Variants in CHODL observed in about 807,000 individuals in gnomAD.
The protein encoded by CHODL is transmembrane protein MT75.
CHODL carries 29 observed loss-of-function variants against 34.5 expected under a neutral mutation model. The observed-to-expected ratio is 0.84, with a 90% CI of 0.63 to 1.15. The LOEUF (loss-of-function observed/expected upper bound fraction) is 1.15. Among genes scored for constraint, CHODL ranks in the 50% most tolerant of loss-of-function variants. CHODL has a pLI of 0.00. For synonymous variants in CHODL, 125 were observed against 116.1 expected, an observed-to-expected ratio of 1.08 and a Z score of -0.49; for missense variants, 332 against 332.5, an observed-to-expected ratio of 1.00 and a Z score of 0.01.
intron 2 of CHODL, among the ~76,000 whole-genome samples, chr21:18,155,842 T>C (rs1178420797): frequency 1.3e-5 from 2 of 152,212 alleles, no homozygotes; most frequent in Non-Finnish European, 2.9e-5. Flanking sequence ...TCTTTTGCAG[T>C]CTAGCATAAA....
intron 2 of CHODL, among the ~76,000 whole-genome samples, chr21:18,073,695 G>A (rs1481308669): frequency 6.6e-6 from 1 of 151,780 alleles, no homozygotes; most frequent in African/African-American, 2.4e-5. Context: ...TTTCAGGAAG[G>A]AAAAAATAGC....
chr21:18,073,108 A>G (rs1270122521), intron 2 of CHODL, among the ~76,000 whole-genome samples: 1 of 152,168 alleles, frequency 6.6e-6, no homozygotes, highest in Admixed American at 6.5e-5. Context: ...TGTGACATTT[A>G]TCTCATTTAT....
intron 1 of CHODL, among the ~76,000 whole-genome samples, chr21:17,988,115 A>G (rs1458502143): frequency 6.6e-6 from 1 of 152,222 alleles, no homozygotes; most frequent in African/African-American, 2.4e-5. Flanking sequence ...TAGAGGATGA[A>G]AAATTCCAGC....
At position 18,029,027 on chromosome 21, in the gene CHODL, A is replaced by T. The variant is rs952996222; in HGVS notation, c.-45+1056A>T. Among the ~76,000 whole-genome samples the T allele has an allele frequency of 8.5e-5, 13 of 152,158 alleles. No individual in the cohort carries two copies. In the East Asian group the frequency reaches 1.2e-3, roughly 14 times the overall value. Reference sequence around the variant, plus strand: ...TGAAGTGAGCTTAGCATCTCATGTTACCCATTATGCTTTCTCTTTCTCACC... The same window carrying T: ...TGAAGTGAGCTTAGCATCTCATGTTTCCCATTATGCTTTCTCTTTCTCACC... On this transcript the variant is annotated intron_variant, in intron 2 of 6. Transcript: ENST00000400127.
At chr21:17,962,123 C>G (rs2063536555) in intron 1 of CHODL, among the ~76,000 whole-genome samples, 1 of 152,106 alleles carries the variant, frequency 6.6e-6, no homozygotes, top group South Asian at 2.1e-4. Flanking sequence ...GTTTAGGGAC[C>G]TATTTTCAGG....
At chr21:18,060,925 T>G (rs1408547312) in intron 2 of CHODL, among the ~76,000 whole-genome samples, 3 of 152,146 alleles carry the variant, frequency 2.0e-5, no homozygotes, top group African/African-American at 7.2e-5. Context: ...CTACCATAAA[T>G]GAGTGTCATA....
intron 2 of CHODL, among the ~76,000 whole-genome samples, chr21:18,194,820 C>T (rs1264640492): frequency 6.6e-6 from 1 of 151,756 alleles, no homozygotes; most frequent in Non-Finnish European, 1.5e-5. Context: ...TATTTTTTCT[C>T]TCTTTTTTTA....
intron 1 of CHODL, among the ~76,000 whole-genome samples, chr21:18,256,148 ATTC>A (rs1363328962): frequency 3.0e-4 from 46 of 152,168 alleles, no homozygotes; most frequent in African/African-American, 1.1e-3. Flanking sequence ...ATGAATTGTT[ATTC>A]TTCTTTCATT....
chr21:17,936,830 A>G (rs2063323100), intron 1 of CHODL, among the ~76,000 whole-genome samples: 1 of 152,154 alleles, frequency 6.6e-6, no homozygotes, highest in African/African-American at 2.4e-5. Context: ...AATCTCGGCA[A>G]CGTGGGAGGC....
chr21:17,999,624 G>T (rs145011047), intron 1 of CHODL, among the ~76,000 whole-genome samples: 1 of 152,222 alleles, frequency 6.6e-6, no homozygotes, highest in Non-Finnish European at 1.5e-5. Context: ...AAATGAGGAA[G>T]AAGCAAAAAC....
chr21:18,247,938 A>T (rs1187957750), intron 1 of CHODL, among the ~76,000 whole-genome samples: 1 of 152,028 alleles, frequency 6.6e-6, no homozygotes, highest in Non-Finnish European at 1.5e-5. Flanking sequence ...TCAGGTCTCT[A>T]AGTTGGGAGG....
intron 2 of CHODL, among the ~76,000 whole-genome samples, chr21:18,053,896 G>A (rs932223558): frequency 6.6e-6 from 1 of 151,434 alleles, no homozygotes; most frequent in African/African-American, 2.4e-5. Context: ...TATATAGTAT[G>A]TGTGATATGA....
At chr21:18,226,321 GA>G (rs2073930518) in intron 2 of CHODL, among the ~76,000 whole-genome samples, 2 of 152,100 alleles carry the variant, frequency 1.3e-5, no homozygotes, top group African/African-American at 4.8e-5. Context: ...TTTCTTTTGA[GA>G]CAGAGTCTTG....
intron 4 of CHODL, 46 bp downstream of exon 4, chr21:18,260,332 C>A: frequency 8.5e-7 from 1 of 1,182,292 alleles, no homozygotes. Context: ...CTGAACTGTA[C>A]TTTCAAACGC....
chr21:18,020,596 A>T (rs1316748906), intron 1 of CHODL, among the ~76,000 whole-genome samples: 3 of 152,154 alleles, frequency 2.0e-5, no homozygotes, highest in Admixed American at 2.0e-4. Flanking sequence ...TAAACCCTTC[A>T]GTTCTTCTTC....
chr21:18,225,705 A>G (rs900453090), intron 2 of CHODL, among the ~76,000 whole-genome samples: 9 of 152,136 alleles, frequency 5.9e-5, no homozygotes, highest in Non-Finnish European at 1.2e-4. Context: ...ACATATGCTT[A>G]TAATATATCT....
chr21:18,189,782 A>C (rs918827974), intron 2 of CHODL, among the ~76,000 whole-genome samples: 2 of 151,794 alleles, frequency 1.3e-5, no homozygotes, highest in African/African-American at 4.8e-5. Context: ...TTACAGGTGC[A>C]TGCCACCATG....
chr21:17,951,316 A>ATT (rs1283078605), intron 1 of CHODL, among the ~76,000 whole-genome samples: 3 of 152,216 alleles, frequency 2.0e-5, no homozygotes, highest in Non-Finnish European at 4.4e-5. Context: ...GGTAGGTGGC[A>ATT]GGTATGGTTG....
chr21:18,098,114 C>CA (rs1050225965), intron 2 of CHODL, among the ~76,000 whole-genome samples: 2 of 151,822 alleles, frequency 1.3e-5, no homozygotes, highest in African/African-American at 4.8e-5. Flanking sequence ...AAAAATACTA[C>CA]AAAAAATTGA....
Sources: gnomAD v4.1 joint callset for allele counts (sites outside exome capture counted in the v4.1 genomes callset) on GRCh38, gnomAD v4.1.1 for gene constraint, MANE v1.5 for transcripts, NCBI Gene and HGNC (gene_info 2026-07-23, HGNC 2026-07-21) for gene names.